ANAPC5: variants seen among roughly 807,000 people sequenced by gnomAD.
ANAPC5 encodes anaphase promoting complex subunit 5.
In ANAPC5, 60 loss-of-function variants were observed where a neutral mutation model predicts 91.3. That is an observed-to-expected ratio of 0.66 (90% CI 0.53 to 0.81). The LOEUF (loss-of-function observed/expected upper bound fraction) is 0.81, where lower values mean the gene tolerates loss of function less well. Ranked by LOEUF, ANAPC5 falls within the 40% of genes least tolerant of loss-of-function variation. ANAPC5 has a pLI of 0.00. For missense variants in ANAPC5, 690 were observed against 931.5 expected, an observed-to-expected ratio of 0.74 and a Z score of 3.37; for synonymous variants, 340 against 364.1, an observed-to-expected ratio of 0.93 and a Z score of 0.75.
intron 11 of ANAPC5, among the ~76,000 whole-genome samples, chr12:121,322,597 T>C (rs2136773270): frequency 6.6e-6 from 1 of 152,318 alleles, no homozygotes; most frequent in African/African-American, 2.4e-5. Context: ...GGAAAATCAA[T>C]TATGGTACAT....
At chr12:121,351,149 T>C (rs1325900045) in intron 1 of ANAPC5, 2 of 433,856 alleles carry the variant, frequency 4.6e-6, no homozygotes, top group Non-Finnish European at 4.6e-6. Flanking sequence ...GACGGGAGGA[T>C]TGCTTGAGTC....
At position 121,318,385 on chromosome 12, in the gene ANAPC5, G is replaced by A; in HGVS notation, c.1785C>T (p.Ser595=). The change falls in exon 15 of 17, where the codon TCC becomes TCT. Residue 595 remains serine (S), a synonymous_variant. Coordinates refer to ENST00000261819, the MANE Select transcript of ANAPC5 (RefSeq NM_016237.5). ...LSVAELYWRS[S]SPTIALPMLL... is the part of the protein sequence containing the mutation. ...GCATGGGCAGCGCGATGGTAGGGGAGGAAGATCGCCAGTACAGCTCTGCCA... is the reference window on the plus strand; with the variant it reads ...GCATGGGCAGCGCGATGGTAGGGGAAGAAGATCGCCAGTACAGCTCTGCCA... The A allele has an allele frequency of 1.9e-6, 3 of 1,612,322 alleles. No homozygotes were observed. In the East Asian group the frequency reaches 6.7e-5, roughly 36 times the overall value.
chr12:121,336,560 T>G (rs1304817152), intron 6 of ANAPC5, among the ~76,000 whole-genome samples: 1 of 152,052 alleles, frequency 6.6e-6, no homozygotes, highest in African/African-American at 2.4e-5. Context: ...GTGCCTGTAC[T>G]CCCAGCTACT....
intron 15 of ANAPC5, among the ~76,000 whole-genome samples, chr12:121,314,199 A>C (rs1051892390): frequency 1.1e-4 from 16 of 152,328 alleles, no homozygotes; most frequent in Admixed American, 3.9e-4. Flanking sequence ...CAGGAGTTAG[A>C]GACCAGCCTG....
At chr12:121,341,839 C>T (rs1198628059) in intron 5 of ANAPC5, among the ~76,000 whole-genome samples, 164 bp downstream of exon 5, 1 of 152,130 alleles carries the variant, frequency 6.6e-6, no homozygotes, top group Non-Finnish European at 1.5e-5. Flanking sequence ...CACAGAGCTA[C>T]AAGTGCTTCG....
intron 9 of ANAPC5, among the ~76,000 whole-genome samples, chr12:121,329,846 CTCAGGTGA>C (rs2136785647): frequency 6.6e-6 from 1 of 152,014 alleles, no homozygotes; most frequent in Non-Finnish European, 1.5e-5. Context: ...AACTCCTGAC[CTCAGGTGA>C]TCCACCCACC....
chr12:121,338,752 G>A (rs1025639497), intron 5 of ANAPC5, among the ~76,000 whole-genome samples: 4 of 150,822 alleles, frequency 2.7e-5, no homozygotes, highest in Non-Finnish European at 5.9e-5. Flanking sequence ...TATTATCCTA[G>A]TCTTTGTTCT....
At chr12:121,321,613 C>A (rs1902612552) in intron 11 of ANAPC5, among the ~76,000 whole-genome samples, 1 of 149,428 alleles carries the variant, frequency 6.7e-6, no homozygotes, top group Non-Finnish European at 1.5e-5. Flanking sequence ...CTCACTGCAA[C>A]CTCCTCCTCC....
chr12:121,350,634 T>TCGTG (rs1903846925), intron 1 of ANAPC5, among the ~76,000 whole-genome samples: 1 of 150,626 alleles, frequency 6.6e-6, no homozygotes, highest in South Asian at 2.1e-4. Flanking sequence ...TGAGCCGTGA[T>TCGTG]CGTGCCACTG....
Position 121,309,741 on chromosome 12 carries a change from C to T in ANAPC5, c.2016G>A (p.Val672=), listed in dbSNP as rs1902082002. 1.2e-6 allele frequency: 2 copies of T among 1,614,012 alleles called. No homozygotes were observed. Among genetic ancestry groups the T allele is most frequent in the Admixed American group, 1.7e-5 (1 of 59,996 alleles). The change falls in exon 16 of 17, where the codon GTG becomes GTA. Residue 672 remains valine, a synonymous_variant. Transcript: ENST00000261819. ...GCTGATCGTAGGAAGCTGCTGAAGC[C>T]ACCTGGCACTTGGCCACTAAGAACA... ...RAMFLVAKCQ[V]ASAASYDQPK...
At chr12:121,319,502 G>T (rs1240674861) in intron 13 of ANAPC5, among the ~76,000 whole-genome samples, 195 bp downstream of exon 13, 9 of 151,820 alleles carry the variant, frequency 5.9e-5, no homozygotes, top group Admixed American at 2.6e-4. Context: ...CCAAAGTGCT[G>T]GGATTACAGG....
chr12:121,352,494 A>T (rs1555275584), upstream of ANAPC5: 3 of 633,076 alleles, frequency 4.7e-6, no homozygotes, highest in Non-Finnish European at 5.5e-6. Flanking sequence ...CAATCAGAGC[A>T]GTCTGTCAGA....
At chr12:121,351,504 C>T (rs1013454199) in intron 1 of ANAPC5, among the ~76,000 whole-genome samples, 3 of 151,538 alleles carry the variant, frequency 2.0e-5, no homozygotes, top group South Asian at 2.1e-4. Context: ...GTCGCCCAAG[C>T]TGGAGTGCAG....
chr12:121,335,519 G>T lies in ANAPC5; in HGVS notation c.950+14C>A. The T allele has an allele frequency of 1.3e-6, 2 of 1,591,046 alleles. No individual in the cohort carries two copies. The highest frequency in any genetic ancestry group is 1.1e-5 in the South Asian group (1 of 89,760). ...TCCTTCAATTTGCGCAAGGACAAAG[G>T]TCTATAAACTTACTAGTGACCGAAG... On this transcript the variant is annotated intron_variant, in intron 7 of 16. Coordinates refer to ENST00000261819, the MANE Select transcript of ANAPC5 (RefSeq NM_016237.5).
chr12:121,345,769 C>A (rs782106239), intron 4 of ANAPC5, 70 bp downstream of exon 4: 23 of 1,459,804 alleles, frequency 1.6e-5, no homozygotes, highest in Non-Finnish European at 2.2e-5. Context: ...TCTAAATGAA[C>A]AAGGACTTAT....
At chr12:121,322,100 G>A (rs552965411) in intron 11 of ANAPC5, among the ~76,000 whole-genome samples, 3 of 150,640 alleles carry the variant, frequency 2.0e-5, no homozygotes, top group Admixed American at 6.6e-5. Context: ...TCATGACCTC[G>A]TGATCCGCCT....
Position 121,320,375 on chromosome 12 carries a change from G to A in ANAPC5, c.1515+10C>T, listed in dbSNP as rs754683193. ...GAAATAAATCTATTGCCATGCAAAA[G>A]GCAGATTACCTGGGCGTGCTGACTA... On this transcript the variant is annotated intron_variant, in intron 12 of 16. Coordinates refer to ENST00000261819, the MANE Select transcript of ANAPC5 (RefSeq NM_016237.5). 2 of 1,612,020 alleles carry A rather than the reference G, an allele frequency of 1.2e-6. No homozygotes were observed. Among genetic ancestry groups the A allele is most frequent in the Non-Finnish European group, 1.7e-6 (2 of 1,178,578 alleles).
chr12:121,334,801 T>C (rs1903167061), intron 7 of ANAPC5: 1 of 152,186 alleles, frequency 6.6e-6, no homozygotes, highest in African/African-American at 2.4e-5. Context: ...AAAAATAGCT[T>C]CTGCATCCCC....
rs1555272541 is a variant in ANAPC5, at chr12:121,328,402, G to GT, written c.1217dup (p.Asp406GlufsTer83). 6.2e-7 allele frequency: 1 copy of GT among 1,613,846 alleles called. No individual in the cohort carries two copies. The highest frequency in any genetic ancestry group is 2.2e-5 in the East Asian group (1 of 44,884). On this transcript the variant is annotated frameshift_variant, in exon 10 of 17. Transcript: ENST00000261819. LOFTEE classifies it high-confidence loss of function. ...ACAGGCTGTGTTTCCAGTGCAGGAGGTCGGAGTCCTTTAGGGCATCCATCA... is the reference window on the plus strand; with the variant it reads ...ACAGGCTGTGTTTCCAGTGCAGGAGGTTCGGAGTCCTTTAGGGCATCCATCA...
Sources: gnomAD v4.1 joint callset for allele counts (sites outside exome capture counted in the v4.1 genomes callset) on GRCh38, gnomAD v4.1.1 for gene constraint, MANE v1.5 for transcripts, NCBI Gene and HGNC (gene_info 2026-07-23, HGNC 2026-07-21) for gene names.